Variants in ACOT11 observed in about 807,000 individuals in gnomAD.
The protein encoded by ACOT11 is acyl-CoA thioesterase 11.
A neutral mutation model predicts 77.5 loss-of-function variants in ACOT11; 69 were observed. The ratio of observed to expected loss-of-function variants is 0.89; its 90% confidence interval spans 0.73 to 1.09. The LOEUF is 1.09. Among genes scored for constraint, ACOT11 ranks in the 50% least tolerant of loss-of-function variants. ACOT11 has a pLI of 0.00. For synonymous variants in ACOT11, 279 were observed against 313.0 expected, an observed-to-expected ratio of 0.89 and a Z score of 1.15; for missense variants, 766 against 813.7, an observed-to-expected ratio of 0.94 and a Z score of 0.71.
intron 9 of ACOT11, among the ~76,000 whole-genome samples, chr1:54,601,987 CCCT>C (rs1643969960): frequency 6.6e-6 from 1 of 152,260 alleles, no homozygotes. Flanking sequence ...AGAGGCCGCT[CCCT>C]CCCTTGGGGG....
chr1:54,620,135 G>A (rs947259254), intron 15 of ACOT11: 11 of 983,630 alleles, frequency 1.1e-5, no homozygotes, highest in Non-Finnish European at 1.6e-5. Flanking sequence ...GGGACGGTGA[G>A]GCTCAGACTC....
At chr1:54,593,622 C>A (rs1172779) in intron 4 of ACOT11, among the ~76,000 whole-genome samples, 16,633 of 152,056 alleles carry the variant, frequency 0.11, 1,673 homozygotes, top group African/African-American at 0.25. Context: ...AACATTCTGC[C>A]TGTATGAAGC....
At chr1:54,613,654 C>T (rs747945549), downstream of ACOT11, among the ~76,000 whole-genome samples, 1 of 152,126 alleles carries the variant, frequency 6.6e-6, no homozygotes, top group African/African-American at 2.4e-5. Context: ...TTTTCTTCTT[C>T]AAAAGATGCA....
intron 6 of ACOT11, among the ~76,000 whole-genome samples, chr1:54,596,104 C>T (rs945553349): frequency 6.6e-6 from 1 of 152,246 alleles, no homozygotes; most frequent in Admixed American, 6.5e-5. Context: ...GCTCAAGTGC[C>T]TTTGCCTGGC....
intron 6 of ACOT11, among the ~76,000 whole-genome samples, chr1:54,595,661 A>C (rs779861947): frequency 1.3e-5 from 2 of 152,176 alleles, no homozygotes; most frequent in Non-Finnish European, 2.9e-5. Flanking sequence ...TTTCCCCTTA[A>C]AAATATATCC....
At chr1:54,560,179 A>C (rs1208379875) in intron 1 of ACOT11, among the ~76,000 whole-genome samples, 1 of 152,184 alleles carries the variant, frequency 6.6e-6, no homozygotes, top group Non-Finnish European at 1.5e-5. Flanking sequence ...GGGAGGTACA[A>C]ACCTACTATG....
chr1:54,616,650 G>A (rs750219811), intron 15 of ACOT11, among the ~76,000 whole-genome samples: 6 of 152,162 alleles, frequency 3.9e-5, no homozygotes, highest in Non-Finnish European at 7.4e-5. Flanking sequence ...TGGGATTACA[G>A]GCGTGAGCCA....
Position 54,630,821 on chromosome 1 carries a change from A to G in ACOT11, c.1717A>G (p.Arg573Gly), listed in dbSNP as rs779140468. 3.9e-6 allele frequency: 3 copies of G among 769,934 alleles called. No individual in the cohort carries two copies. The East Asian group carries it at 7.3e-5, about 19-fold the overall frequency. The allele number at this position is 769,934 out of a possible 1,614,324, so 47.7% of individuals were successfully genotyped here. The stretch of plus-strand genomic sequence containing the variant: ...GCTCGAATCCAGGTCAAAGGGTCGC[A>G]GGAGCGACGGTTGGAATGGAAAACT... Residue 573 changes from arginine (R) to glycine (G), a missense_variant, in exon 16 of 17, where the codon AGG becomes GGG. Arg to Gly is a moderately radical substitution (Grantham distance 125, BLOSUM62 -2). Transcript: ENST00000371316.
Position 54,609,700 on chromosome 1 carries a change from C to A in ACOT11, c.*588C>A. On this transcript the variant is annotated 3_prime_UTR_variant, in exon 16 of 16. Coordinates refer to ENST00000343744, the MANE Select transcript of ACOT11 (RefSeq NM_147161.4). Reference sequence around the variant, plus strand: ...TCCCGTGGGAGATTTTGGCCCCAACCCACACAGGCCAATGCAAGAGGCCAA... The same window carrying A: ...TCCCGTGGGAGATTTTGGCCCCAACACACACAGGCCAATGCAAGAGGCCAA... 1 of 1,614,092 alleles carries A rather than the reference C, an allele frequency of 6.2e-7. No homozygotes were observed. The highest frequency in any genetic ancestry group is 1.1e-5 in the South Asian group (1 of 91,088).
chr1:54,617,225 C>T (rs1211089099), intron 15 of ACOT11, among the ~76,000 whole-genome samples: 1 of 152,102 alleles, frequency 6.6e-6, no homozygotes, highest in Non-Finnish European at 1.5e-5. Context: ...GAAGCTGTCT[C>T]TAGATAATCA....
At chr1:54,612,760 C>G (rs1183607898), downstream of ACOT11, 5 of 1,426,958 alleles carry the variant, frequency 3.5e-6, no homozygotes, top group Admixed American at 8.5e-5. Context: ...GCGGCCCCTT[C>G]CTCTCCTCTG....
At chr1:54,553,583 A>C (rs547999259) in intron 1 of ACOT11, among the ~76,000 whole-genome samples, 2 of 152,262 alleles carry the variant, frequency 1.3e-5, no homozygotes, top group South Asian at 4.1e-4. Context: ...TAACAGATAC[A>C]TTACCTCACA....
downstream of ACOT11, chr1:54,611,518 C>T: frequency 2.9e-6 from 4 of 1,399,156 alleles, no homozygotes; most frequent in East Asian, 2.3e-5. Context: ...TTCTGATATC[C>T]CTTCCACCCA....
intron 7 of ACOT11, among the ~76,000 whole-genome samples, 154 bp from the exon 8 acceptor site, chr1:54,599,142 G>A (rs1442755857): frequency 4.2e-5 from 2 of 47,488 alleles, no homozygotes; most frequent in Non-Finnish European, 7.1e-5. Flanking sequence ...GTGAAACTCT[G>A]TCTCAAAAAA....
chr1:54,608,356 C>T (rs1035680571), intron 15 of ACOT11, among the ~76,000 whole-genome samples: 1 of 152,134 alleles, frequency 6.6e-6, no homozygotes, highest in Non-Finnish European at 1.5e-5. Context: ...CTTGGATAGC[C>T]CTTCTCATCT....
chr1:54,575,817 C>T (rs769456850), intron 1 of ACOT11, among the ~76,000 whole-genome samples: 5 of 152,148 alleles, frequency 3.3e-5, no homozygotes, highest in Non-Finnish European at 7.3e-5. Context: ...GTGTTCCAGG[C>T]AGAGGGAGTG....
rs972957643 is a variant in ACOT11, at chr1:54,578,629, G to A, written c.34-6026G>A. On this transcript the variant is annotated intron_variant, in intron 1 of 15. Coordinates refer to ENST00000343744, the MANE Select transcript of ACOT11 (RefSeq NM_147161.4). Reference sequence around the variant, plus strand: ...TACCAGGGCTTCAGATTTAGGAGGAGAAAGTTTATTTTATTTTATTTTATT... The same window carrying A: ...TACCAGGGCTTCAGATTTAGGAGGAAAAAGTTTATTTTATTTTATTTTATT... 5.9e-5 allele frequency among the ~76,000 whole-genome samples: 9 copies of A among 152,042 alleles called. No individual in the cohort carries two copies. The East Asian group carries it at 1.7e-3, about 30-fold the overall frequency.
At chr1:54,604,072 G>T in intron 11 of ACOT11, 135 bp downstream of exon 11, 1 of 841,970 alleles carries the variant, frequency 1.2e-6, no homozygotes, top group Non-Finnish European at 1.9e-6. Context: ...GCTACCATTA[G>T]CAAAGAGCTG....
intron 3 of ACOT11, among the ~76,000 whole-genome samples, chr1:54,586,559 G>A (rs1355657765): frequency 6.6e-6 from 1 of 151,832 alleles, no homozygotes; most frequent in Non-Finnish European, 1.5e-5. Flanking sequence ...AGCCTCACGA[G>A]TAGCTGGGAT....
Sources: gnomAD v4.1 joint callset for allele counts (sites outside exome capture counted in the v4.1 genomes callset) on GRCh38, gnomAD v4.1.1 for gene constraint, MANE v1.5 for transcripts, NCBI Gene and HGNC (gene_info 2026-07-23, HGNC 2026-07-21) for gene names.